The following NAALADL2 variants were observed in gnomAD, a reference collection of about 807,000 sequenced individuals.
NAALADL2 encodes inactive N-acetylated-alpha-linked acidic dipeptidase-like protein 2.
NAALADL2 carries 76 observed loss-of-function variants against 87.2 expected under a neutral mutation model. The observed-to-expected ratio is 0.87, with a 90% CI of 0.72 to 1.05. The LOEUF (loss-of-function observed/expected upper bound fraction) is 1.05. Ranked by LOEUF, NAALADL2 falls within the 50% of genes least tolerant of loss-of-function variation. NAALADL2 has a pLI of 0.00. For synonymous variants in NAALADL2, 354 were observed against 331.0 expected, an observed-to-expected ratio of 1.07 and a Z score of -0.75; for missense variants, 1,089 against 945.8, an observed-to-expected ratio of 1.15 and a Z score of -1.99.
At chr3:174,868,933 A>G (rs1727474115) in intron 1 of NAALADL2, among the ~76,000 whole-genome samples, 1 of 152,142 alleles carries the variant, frequency 6.6e-6, no homozygotes, top group Non-Finnish European at 1.5e-5. Context: ...CTATACAAAG[A>G]TGGATGGTAG....
intron 3 of NAALADL2, among the ~76,000 whole-genome samples, chr3:174,746,582 T>C (rs950166790): frequency 6.6e-6 from 1 of 152,006 alleles, no homozygotes. Flanking sequence ...AAAAAAAAGC[T>C]TTAAAATTTA....
chr3:174,444,301 A>G (rs900596930), intron 1 of NAALADL2, among the ~76,000 whole-genome samples: 4 of 152,140 alleles, frequency 2.6e-5, no homozygotes, highest in Non-Finnish European at 5.9e-5. Flanking sequence ...GGGAATGTGG[A>G]TGTTCTATTT....
intron 1 of NAALADL2, among the ~76,000 whole-genome samples, chr3:175,074,842 C>G (rs1246710947): frequency 6.6e-6 from 1 of 151,334 alleles, no homozygotes; most frequent in Non-Finnish European, 1.5e-5. Flanking sequence ...ATTATTCTTT[C>G]TACTATTATG....
chr3:174,873,171 A>G (rs1225586523), intron 1 of NAALADL2, among the ~76,000 whole-genome samples: 1 of 151,614 alleles, frequency 6.6e-6, no homozygotes. Flanking sequence ...TATGTAATGA[A>G]TTAAACTAAA....
chr3:174,690,262 A>T (rs1296954976), intron 2 of NAALADL2, among the ~76,000 whole-genome samples: 3 of 152,194 alleles, frequency 2.0e-5, no homozygotes, highest in Non-Finnish European at 2.9e-5. Context: ...CATATACTGT[A>T]AAGAATTTTA....
intron 9 of NAALADL2, among the ~76,000 whole-genome samples, chr3:175,504,341 CAT>C (rs1186524957): frequency 6.6e-6 from 1 of 152,110 alleles, no homozygotes; most frequent in African/African-American, 2.4e-5. Flanking sequence ...CATGTGATGA[CAT>C]GAATTTTGGG....
intron 11 of NAALADL2, among the ~76,000 whole-genome samples, chr3:175,639,541 T>C (rs368636343): frequency 3.5e-4 from 53 of 151,996 alleles, no homozygotes; most frequent in African/African-American, 6.3e-4. Context: ...AGGTTGGTCT[T>C]GATCTCCTGA....
chr3:174,592,479 T>C (rs1295693041), intron 2 of NAALADL2, among the ~76,000 whole-genome samples: 1 of 152,128 alleles, frequency 6.6e-6, no homozygotes, highest in Non-Finnish European at 1.5e-5. Context: ...AGTAGTTAGG[T>C]AAGGATTGGG....
At chr3:175,077,204 A>G (rs1716766558) in intron 1 of NAALADL2, among the ~76,000 whole-genome samples, 1 of 152,238 alleles carries the variant, frequency 6.6e-6, no homozygotes. Context: ...AGGAAATTTA[A>G]AAAATGAGCA....
At chr3:174,601,429 T>C (rs1204621658) in intron 2 of NAALADL2, among the ~76,000 whole-genome samples, 1 of 152,192 alleles carries the variant, frequency 6.6e-6, no homozygotes, top group Non-Finnish European at 1.5e-5. Flanking sequence ...CTGTTTGCCA[T>C]TTGTATGTCT....
At chr3:175,555,591 T>A (rs1019687622) in intron 9 of NAALADL2, among the ~76,000 whole-genome samples, 5 of 152,186 alleles carry the variant, frequency 3.3e-5, no homozygotes, top group African/African-American at 1.2e-4. Context: ...TATTTGTTCA[T>A]AAGTTATGTT....
At chr3:175,496,371 CT>C (rs1174575899) in intron 9 of NAALADL2, among the ~76,000 whole-genome samples, 3 of 151,396 alleles carry the variant, frequency 2.0e-5, no homozygotes, top group African/African-American at 7.3e-5. Flanking sequence ...TTATGTTTAT[CT>C]TTTTTATTTT....
At chr3:174,707,927 A>G (rs1730254487) in intron 2 of NAALADL2, among the ~76,000 whole-genome samples, 1 of 152,232 alleles carries the variant, frequency 6.6e-6, no homozygotes. Flanking sequence ...ATTTATAGAC[A>G]TAAATAGTTT....
At chr3:175,575,031 A>T (rs1718661058) in intron 9 of NAALADL2, among the ~76,000 whole-genome samples, 1 of 152,112 alleles carries the variant, frequency 6.6e-6, no homozygotes, top group Non-Finnish European at 1.5e-5. Context: ...ATTTTAATGA[A>T]TATTAATTAT....
chr3:175,613,871 A>G (rs948190699), intron 10 of NAALADL2, among the ~76,000 whole-genome samples: 1 of 152,162 alleles, frequency 6.6e-6, no homozygotes, highest in African/African-American at 2.4e-5. Context: ...TATTTTTTCA[A>G]TTCATGTTAT....
intron 3 of NAALADL2, among the ~76,000 whole-genome samples, chr3:174,828,726 T>C (rs2109358890): frequency 6.6e-6 from 1 of 152,320 alleles, no homozygotes; most frequent in East Asian, 1.9e-4. Flanking sequence ...ACATCGCTCC[T>C]GAATTTACAT....
intron 1 of NAALADL2, among the ~76,000 whole-genome samples, chr3:175,063,332 G>C (rs1713909505): frequency 6.6e-6 from 1 of 152,030 alleles, no homozygotes. Context: ...CTTAATATAG[G>C]TAATTTTTAA....
At chr3:174,548,475 T>C (rs1051191489) in intron 1 of NAALADL2, among the ~76,000 whole-genome samples, 1 of 152,196 alleles carries the variant, frequency 6.6e-6, no homozygotes. Flanking sequence ...CTAATGCTTA[T>C]CTACAATTTC....
intron 11 of NAALADL2, among the ~76,000 whole-genome samples, chr3:175,643,779 C>T (rs777304115): frequency 5.3e-5 from 8 of 152,162 alleles, no homozygotes; most frequent in Admixed American, 1.3e-4. Context: ...TTGAAGCAAA[C>T]AGTGACGTTA....
Sources: allele counts gnomAD v4.1 joint callset (sites outside exome capture counted in the v4.1 genomes callset), GRCh38; gene constraint gnomAD v4.1.1; transcripts MANE v1.5; gene names NCBI Gene and HGNC (gene_info 2026-07-23, HGNC 2026-07-21).